ASCC1: variants seen among roughly 807,000 people sequenced by gnomAD.
ASCC1 encodes the protein ASC-1 complex subunit P50.
ASCC1 carries 35 observed loss-of-function variants against 46.6 expected under a neutral mutation model. The observed-to-expected ratio is 0.75, with a 90% CI of 0.57 to 0.99. The LOEUF (loss-of-function observed/expected upper bound fraction) is 0.99. Among genes scored for constraint, ASCC1 ranks in the 50% least tolerant of loss-of-function variants. The pLI is 0.00. For synonymous variants in ASCC1, 143 were observed against 146.6 expected (o/e 0.98, Z 0.18); for missense variants, 376 against 428.7 (o/e 0.88, Z 1.09).
chr10:72,107,491 C>T (rs1295275460), intron 9 of ASCC1, among the ~76,000 whole-genome samples: 6 of 152,172 alleles, frequency 3.9e-5, no homozygotes, highest in African/African-American at 1.2e-4. Context: ...AGATCCACCA[C>T]ATCCGGGGTC....
rs1400472137 is a variant in ASCC1, at chr10:72,149,450, A to G, written c.746+3419T>C. ...GAGACTCCGTCACAAAAAAAAAAAA[A>G]AAAAAAAAAAAAAAGTGTTGTTGTG... On this transcript the variant is annotated intron_variant, in intron 7 of 9. Transcript: ENST00000672957. 2.0e-5 allele frequency among the ~76,000 whole-genome samples: 3 copies of G among 150,618 alleles called. No individual in the cohort carries two copies. The East Asian group carries it at 5.8e-4, about 29-fold the overall frequency.
intron 6 of ASCC1, among the ~76,000 whole-genome samples, chr10:72,159,998 G>A (rs1018657626): frequency 6.1e-5 from 9 of 147,674 alleles, no homozygotes; most frequent in African/African-American, 1.8e-4. Flanking sequence ...TCCGCCTCCC[G>A]GGTTCACGCC....
intron 5 of ASCC1, among the ~76,000 whole-genome samples, chr10:72,192,586 T>A (rs1388896227): frequency 6.6e-6 from 1 of 152,168 alleles, no homozygotes; most frequent in African/African-American, 2.4e-5. Flanking sequence ...CTCCATCTCC[T>A]GGGATCCAGT....
intron 5 of ASCC1, among the ~76,000 whole-genome samples, chr10:72,189,578 G>A (rs756529888): frequency 6.6e-6 from 1 of 151,990 alleles, no homozygotes; most frequent in Non-Finnish European, 1.5e-5. Flanking sequence ...CAAGACAGGT[G>A]GATCACCTGA....
intron 8 of ASCC1, among the ~76,000 whole-genome samples, chr10:72,129,275 CAAAT>C (rs1481049651): frequency 7.9e-5 from 12 of 152,014 alleles, no homozygotes; most frequent in Admixed American, 7.2e-4. Context: ...AAATTGATAC[CAAAT>C]AAATATCAAA....
intron 6 of ASCC1, among the ~76,000 whole-genome samples, chr10:72,156,771 C>CAA (rs58283312): frequency 6.1e-5 from 4 of 65,238 alleles, no homozygotes; most frequent in East Asian, 8.1e-4. Context: ...GACTCCATCT[C>CAA]AAAAAAAAAA....
At chr10:72,120,386 A>G (rs1191010727) in intron 9 of ASCC1, among the ~76,000 whole-genome samples, 1 of 152,166 alleles carries the variant, frequency 6.6e-6, no homozygotes, top group Non-Finnish European at 1.5e-5. Context: ...AGCAGAGAAC[A>G]AAGACTGAAA....
intron 2 of ASCC1, 24 bp from the exon 3 acceptor site, chr10:72,210,855 A>C: frequency 1.1e-3 from 1,772 of 1,574,146 alleles, no homozygotes; most frequent in Non-Finnish European, 1.4e-3. Context: ...ATCACATCTC[A>C]CTCAGAAACA....
chr10:72,186,168 T>TG (rs922582909), intron 5 of ASCC1, among the ~76,000 whole-genome samples: 2 of 151,488 alleles, frequency 1.3e-5, no homozygotes, highest in African/African-American at 4.8e-5. Flanking sequence ...TAACTGTTTT[T>TG]GTTTTTTTTT....
At chr10:72,214,400 T>C (rs1342800975) in intron 1 of ASCC1, among the ~76,000 whole-genome samples, 4 of 130,956 alleles carry the variant, frequency 3.1e-5, no homozygotes, top group African/African-American at 8.5e-5. Flanking sequence ...TTTGAGACGG[T>C]GTATTGCTCT....
At chr10:72,190,137 T>G in intron 5 of ASCC1, 1 of 761,678 alleles carries the variant, frequency 1.3e-6, no homozygotes, top group South Asian at 1.3e-5. Context: ...AGGATTCATG[T>G]TCGCTGTGGT....
intron 7 of ASCC1, among the ~76,000 whole-genome samples, chr10:72,137,086 T>C (rs1249552634): frequency 1.3e-5 from 2 of 152,104 alleles, no homozygotes; most frequent in African/African-American, 4.8e-5. Flanking sequence ...ATTTTTTTTT[T>C]TTAACTTTTT....
chr10:72,144,956 T>C (rs1210287920), intron 7 of ASCC1, among the ~76,000 whole-genome samples: 1 of 152,248 alleles, frequency 6.6e-6, no homozygotes, highest in Non-Finnish European at 1.5e-5. Context: ...TAGAAGTTCC[T>C]TTACTGTGGT....
chr10:72,179,923 G>A (rs1018460862), intron 5 of ASCC1, among the ~76,000 whole-genome samples: 3 of 152,058 alleles, frequency 2.0e-5, no homozygotes, highest in Non-Finnish European at 4.4e-5. Context: ...ATGTTCCAGT[G>A]GTGAAACTCA....
chr10:72,152,882 C>T lies in ASCC1; in HGVS notation c.733G>A (p.Asp245Asn). 1.2e-6 allele frequency: 2 copies of T among 1,614,120 alleles called. No homozygotes were observed. Among genetic ancestry groups the T allele is most frequent in the Non-Finnish European group, 1.7e-6 (2 of 1,180,000 alleles). The change falls in exon 7 of 10, where the codon GAT (aspartate) becomes AAT (asparagine). Residue 245 changes from aspartate to asparagine, a missense_variant. Transcript: ENST00000672957. The stretch of plus-strand genomic sequence containing the variant: ...CCAGAAATATACCTGTTGGAGCCAT[C>T]TTTCATATGGACTTTGGCGTAAAGA... Reference protein sequence around the residue: ...DVLYAKVHMKDGSNRLQELVD... With the variant: ...DVLYAKVHMKNGSNRLQELVD...
At chr10:72,161,453 C>T in intron 6 of ASCC1, 85 bp downstream of exon 6, 1 of 1,560,958 alleles carries the variant, frequency 6.4e-7, no homozygotes, top group Non-Finnish European at 8.8e-7. Context: ...TGTTATACAC[C>T]CTCTGGTTCA....
chr10:72,108,076 C>CTTT (rs375287948), intron 9 of ASCC1, among the ~76,000 whole-genome samples: 1 of 128,352 alleles, frequency 7.8e-6, no homozygotes, highest in African/African-American at 2.9e-5. Flanking sequence ...TTTTCTTTTT[C>CTTT]TTTTTTTTTT....
chr10:72,197,452 A>G (rs1239444707), intron 4 of ASCC1, among the ~76,000 whole-genome samples: 1 of 131,694 alleles, frequency 7.6e-6, no homozygotes, highest in African/African-American at 2.8e-5. Context: ...TGGGCAATAG[A>G]GCAAGACTCT....
At chr10:72,110,693 AG>A (rs1842831227) in intron 9 of ASCC1, among the ~76,000 whole-genome samples, 2 of 152,144 alleles carry the variant, frequency 1.3e-5, no homozygotes, top group African/African-American at 4.8e-5. Context: ...AGGCTGAGGC[AG>A]GAGAATCGCT....
Sources: gnomAD v4.1 joint callset for allele counts (sites outside exome capture counted in the v4.1 genomes callset) on GRCh38, gnomAD v4.1.1 for gene constraint, MANE v1.5 for transcripts, NCBI Gene and HGNC (gene_info 2026-07-23, HGNC 2026-07-21) for gene names.